NBR1: variants seen among roughly 807,000 people sequenced by gnomAD.
NBR1 encodes the protein next to BRCA1 gene 1 protein.
In NBR1, 59 loss-of-function variants were observed where a neutral mutation model predicts 115.5. The ratio of observed to expected loss-of-function variants is 0.51; its 90% confidence interval spans 0.41 to 0.63. The LOEUF (loss-of-function observed/expected upper bound fraction) is 0.63, where lower values mean the gene tolerates loss of function less well. Ranked by LOEUF, NBR1 falls within the 30% of genes least tolerant of loss-of-function variation. The probability of loss-of-function intolerance (pLI) is 0.00; values close to 1 mark genes in which losing one functional copy is unlikely to be tolerated. For missense variants in NBR1, 1,043 were observed against 1,150.5 expected (o/e 0.91, Z 1.35); for synonymous variants, 373 against 414.7 (o/e 0.90, Z 1.22).
intron 1 of NBR1, among the ~76,000 whole-genome samples, 158 bp from the exon 2 acceptor site, chr17:43,175,633 G>GT (rs3215228): frequency 0.31 from 45,914 of 148,076 alleles, 7,489 homozygotes; most frequent in South Asian, 0.51. Flanking sequence ...GGTAAGTTTC[G>GT]TAAGAACAGG....
intron 20 of NBR1, among the ~76,000 whole-genome samples, chr17:43,206,718 ATAAT>A (rs977247029): frequency 2.6e-5 from 4 of 151,920 alleles, no homozygotes; most frequent in African/African-American, 9.7e-5. Context: ...GGTAGAAAAG[ATAAT>A]TAAGAGATGG....
intron 4 of NBR1, among the ~76,000 whole-genome samples, chr17:43,180,313 T>C (rs1399323): frequency 0.32 from 48,314 of 152,046 alleles, 8,024 homozygotes; most frequent in South Asian, 0.49. Flanking sequence ...ACCTATTGCT[T>C]ATAGGCTGCG....
chr17:43,180,059 AT>A (rs1255875427), intron 4 of NBR1, among the ~76,000 whole-genome samples: 3 of 152,242 alleles, frequency 2.0e-5, no homozygotes. Flanking sequence ...CTGTTCATAT[AT>A]AATAAGCTAA....
intron 20 of NBR1, among the ~76,000 whole-genome samples, chr17:43,207,479 T>G (rs893269010): frequency 3.9e-5 from 6 of 152,176 alleles, no homozygotes; most frequent in African/African-American, 1.4e-4. Flanking sequence ...CACCTCAGCC[T>G]CTTGAGTAGC....
At position 43,202,577 on chromosome 17, in the gene NBR1, A is replaced by G. The variant is rs991932810; in HGVS notation, c.2564-78A>G. The stretch of plus-strand genomic sequence containing the variant: ...TGTGATCAGATTGCCACCTGCCTCA[A>G]TAATAGCCTTGCTGTGAGTTAGGAA... On this transcript the variant is annotated intron_variant, in intron 18 of 20. Coordinates refer to ENST00000590996, the MANE Select transcript of NBR1 (RefSeq NM_005899.5). The G allele has an allele frequency of 1.1e-5, 12 of 1,053,318 alleles. No individual in the cohort carries two copies. In the Admixed American group the frequency reaches 1.2e-4, roughly 10 times the overall value. 65.2% of individuals were successfully genotyped at this position (1,053,318 alleles called of 1,614,324 possible). A position where few individuals can be genotyped will look rare whatever the true frequency, so the allele number is the denominator to read the frequency against.
intron 3 of NBR1, among the ~76,000 whole-genome samples, chr17:43,178,406 TC>T (rs2056580230): frequency 6.9e-6 from 1 of 144,424 alleles, no homozygotes. Flanking sequence ...AGATGAAGCC[TC>T]ACTCCATAAC....
At chr17:43,179,327 C>A in intron 3 of NBR1, 67 bp from the exon 4 acceptor site, 2 of 1,461,918 alleles carry the variant, frequency 1.4e-6, no homozygotes, top group South Asian at 2.3e-5. Context: ...TGGGGCTGGT[C>A]CTAGTAACAG....
At chr17:43,198,173 A>G (rs2057112191) in intron 16 of NBR1, among the ~76,000 whole-genome samples, 2 of 152,062 alleles carry the variant, frequency 1.3e-5, no homozygotes, top group African/African-American at 4.8e-5. Context: ...GTCTCAAAAA[A>G]AAAAAAAGGA....
intron 20 of NBR1, among the ~76,000 whole-genome samples, chr17:43,209,342 C>G (rs186722928): frequency 2.8e-4 from 43 of 152,256 alleles, no homozygotes; most frequent in African/African-American, 8.2e-4. Flanking sequence ...TCCCAAAGTG[C>G]TGGGATTACA....
rs563772371 is a variant in NBR1 at position 43,194,880 on chromosome 17, A to G, written c.1675-84A>G. On this transcript the variant is annotated intron_variant, in intron 13 of 20. Coordinates refer to ENST00000590996, the MANE Select transcript of NBR1 (RefSeq NM_005899.5). ...GAATTTGAACAGAGTTGAATACGAA[A>G]TGATGTGGAAATGGTCTACAGGTCC... The G allele has an allele frequency of 4.0e-5, 40 of 991,638 alleles. 1 individual carries two copies. The highest frequency in any genetic ancestry group is 3.3e-4 in the South Asian group (23 of 70,686). 61.4% of individuals were successfully genotyped at this position (991,638 alleles called of 1,614,324 possible). A position where few individuals can be genotyped will look rare whatever the true frequency, so the allele number is the denominator to read the frequency against.
intron 10 of NBR1, among the ~76,000 whole-genome samples, chr17:43,192,855 C>G (rs1057164895): frequency 3.3e-5 from 5 of 152,144 alleles, no homozygotes; most frequent in African/African-American, 1.2e-4. Context: ...ATTACTCTTA[C>G]CATGACTTTT....
At chr17:43,186,165 A>ACT (rs112181085) in intron 5 of NBR1, 85 bp from the exon 6 acceptor site, 1 of 1,177,018 alleles carries the variant, frequency 8.5e-7, no homozygotes, top group African/African-American at 1.6e-5. Flanking sequence ...AACTTACCAC[A>ACT]CTCTTCTGTT....
chr17:43,175,015 C>T (rs2056472132), intron 1 of NBR1, among the ~76,000 whole-genome samples: 1 of 151,616 alleles, frequency 6.6e-6, no homozygotes, highest in South Asian at 2.1e-4. Context: ...AGGAGAATGG[C>T]GTGAACCCAG....
chr17:43,174,197 A>G (rs1281957192), intron 1 of NBR1, among the ~76,000 whole-genome samples: 3 of 152,092 alleles, frequency 2.0e-5, no homozygotes, highest in Admixed American at 2.0e-4. Flanking sequence ...GGTTACAGCA[A>G]ATTGGTCCTG....
chr17:43,190,447 CATTTT>C, intron 8 of NBR1, 157 bp from the exon 9 acceptor site: 1 of 695,218 alleles, frequency 1.4e-6, no homozygotes, highest in Non-Finnish European at 2.5e-6. Context: ...TTATTATCCT[CATTTT>C]ATTAATGAGG....
chr17:43,175,781 T>A lies in NBR1; in HGVS notation c.-9-10T>A, dbSNP rs2056499703. 7.2e-7 allele frequency: 1 copy of A among 1,383,740 alleles called. No individual in the cohort carries two copies. Among genetic ancestry groups the A allele is most frequent in the Non-Finnish European group, 1.0e-6 (1 of 986,444 alleles). 85.7% of individuals were successfully genotyped at this position (1,383,740 alleles called of 1,614,324 possible). On this transcript the variant is annotated splice_polypyrimidine_tract_variant and intron_variant, in intron 1 of 20. Coordinates refer to ENST00000590996, the MANE Select transcript of NBR1 (RefSeq NM_005899.5). ...TTTTCTCTCTCTCCCACCAACCTTC[T>A]CAACCCTAGCCTCACAGCATGGAAC...
At position 43,210,030 on chromosome 17, in the gene NBR1, C is replaced by T; in HGVS notation, c.2857C>T (p.Leu953Phe). 6.2e-7 allele frequency: 1 copy of T among 1,612,930 alleles called. No individual in the cohort carries two copies. The highest frequency in any genetic ancestry group is 8.5e-7 in the Non-Finnish European group (1 of 1,179,416). ...CAATATCCTGCAGGTTGTGACAGAA[C>T]TTCTTCAGTTAAACAACAACGACTG... is the stretch of plus-strand genomic sequence containing the variant. ...NYNILQVVTE[L>F]LQLNNNDWYS... The change falls in exon 21 of 21, where the codon CTT (leucine) becomes TTT (phenylalanine). Residue 953 changes from leucine to phenylalanine, a missense_variant. Coordinates refer to ENST00000590996, the MANE Select transcript of NBR1 (RefSeq NM_005899.5).
At chr17:43,186,690 C>T (rs909646960) in intron 6 of NBR1, among the ~76,000 whole-genome samples, 72 of 151,948 alleles carry the variant, frequency 4.7e-4, no homozygotes, top group African/African-American at 1.6e-3. Flanking sequence ...CCCTGACAGG[C>T]CCCCGTGTGT....
At position 43,180,836 on chromosome 17, in the gene NBR1, C is replaced by G; in HGVS notation, c.207+19C>G. 1 of 1,408,614 alleles carries G rather than the reference C, an allele frequency of 7.1e-7. No homozygotes were observed. Among genetic ancestry groups the G allele is most frequent in the Non-Finnish European group, 9.3e-7 (1 of 1,074,968 alleles). The allele number at this position is 1,408,614 out of a possible 1,614,324, so 87.3% of individuals were successfully genotyped here. A position where few individuals can be genotyped will look rare whatever the true frequency, so the allele number is the denominator to read the frequency against. On this transcript the variant is annotated intron_variant, in intron 5 of 20. Transcript: ENST00000590996. ...GCTTAAGGTAATGATTATTTAATCTCATTTTTAAATAATTTAAAAAATATT... is the reference window on the plus strand; with the variant it reads ...GCTTAAGGTAATGATTATTTAATCTGATTTTTAAATAATTTAAAAAATATT...
Sources: allele counts gnomAD v4.1 joint callset (sites outside exome capture counted in the v4.1 genomes callset), GRCh38; gene constraint gnomAD v4.1.1; transcripts MANE v1.5; gene names NCBI Gene and HGNC (gene_info 2026-07-23, HGNC 2026-07-21).